Variants in MEI1 observed in about 807,000 individuals in gnomAD.
The protein encoded by MEI1 is meiotic double-stranded break formation protein 1.
Under a neutral mutation model 146.2 loss-of-function variants are expected in MEI1, and 103 were observed. The ratio of observed to expected loss-of-function variants is 0.70; its 90% CI spans 0.60 to 0.83. MEI1 has a LOEUF of 0.83. Ranked by LOEUF, MEI1 falls within the 40% of genes least tolerant of loss-of-function variation. MEI1 has a pLI of 0.00. For synonymous variants in MEI1, 652 were observed against 628.2 expected, an observed-to-expected ratio of 1.04 and a Z score of -0.57; for missense variants, 1,529 against 1,533.0, an observed-to-expected ratio of 1.00 and a Z score of 0.04.
chr22:41,733,066 C>CTGAATCCCGCCTGTAATT (rs1215070504), intron 11 of MEI1, among the ~76,000 whole-genome samples: 1 of 151,310 alleles, frequency 6.6e-6, no homozygotes, highest in Non-Finnish European at 1.5e-5. Context: ...CAGGCGTGAG[C>CTGAATCCCGCCTGTAATT]CACCGCATCC....
At chr22:41,776,919 T>C (rs1333407758) in intron 21 of MEI1, among the ~76,000 whole-genome samples, 1 of 152,042 alleles carries the variant, frequency 6.6e-6, no homozygotes, top group African/African-American at 2.4e-5. Context: ...GTTCAAGCAA[T>C]TCTTGTGCCT....
intron 16 of MEI1, 129 bp downstream of exon 16, chr22:41,752,780 G>A: frequency 1.3e-6 from 1 of 790,920 alleles, no homozygotes; most frequent in Non-Finnish European, 2.2e-6. Flanking sequence ...TGTCAGCATT[G>A]CTCAGCATCT....
intron 1 of MEI1, among the ~76,000 whole-genome samples, chr22:41,700,182 A>C (rs1207897321): frequency 6.6e-6 from 1 of 152,126 alleles, no homozygotes; most frequent in Non-Finnish European, 1.5e-5. Context: ...CGGGGTGTGA[A>C]TCGGAGGAGG....
intron 3 of MEI1, among the ~76,000 whole-genome samples, chr22:41,707,606 C>G (rs954004839): frequency 2.6e-4 from 40 of 151,926 alleles, no homozygotes; most frequent in African/African-American, 9.0e-4. Flanking sequence ...CTCAGGAGTT[C>G]AAGTCCAACA....
At chr22:41,708,897 C>A (rs2069311886) in intron 3 of MEI1, among the ~76,000 whole-genome samples, 1 of 152,154 alleles carries the variant, frequency 6.6e-6, no homozygotes, top group Non-Finnish European at 1.5e-5. Flanking sequence ...GAGAAGAGGA[C>A]ATAAAAACGA....
chr22:41,796,148 C>T (rs949193909), intron 30 of MEI1, among the ~76,000 whole-genome samples: 3 of 152,244 alleles, frequency 2.0e-5, no homozygotes, highest in South Asian at 4.1e-4. Context: ...TAAGTTCCTA[C>T]AGAAAGCAGG....
intron 5 of MEI1, 93 bp from the exon 6 acceptor site, chr22:41,717,978 C>A: frequency 1.9e-6 from 2 of 1,068,384 alleles, no homozygotes; most frequent in Non-Finnish European, 2.7e-6. Flanking sequence ...AGGGACTTAC[C>A]ATTACTACCC....
chr22:41,719,467 G>T (rs1325976939), intron 6 of MEI1, among the ~76,000 whole-genome samples: 2 of 152,198 alleles, frequency 1.3e-5, no homozygotes, highest in Non-Finnish European at 2.9e-5. Flanking sequence ...GATTAAAGGC[G>T]CAAGCCACTG....
chr22:41,776,008 A>T (rs772582269), intron 20 of MEI1, 94 bp from the exon 21 acceptor site: 23 of 1,306,484 alleles, frequency 1.8e-5, no homozygotes, highest in Admixed American at 2.0e-5. Flanking sequence ...TGACATCATA[A>T]TTATGGGCCC....
intron 11 of MEI1, among the ~76,000 whole-genome samples, chr22:41,738,004 T>G (rs933625965): frequency 6.6e-6 from 1 of 152,224 alleles, no homozygotes; most frequent in East Asian, 1.9e-4. Context: ...AACACAGTAA[T>G]GTATTCAAAT....
intron 11 of MEI1, among the ~76,000 whole-genome samples, chr22:41,739,733 T>C (rs1324766866): frequency 1.3e-5 from 2 of 152,090 alleles, no homozygotes; most frequent in Non-Finnish European, 2.9e-5. Context: ...GCATCTATGC[T>C]GAGCTGGAAG....
Position 41,752,577 on chromosome 22 carries a change from C to A in MEI1, c.1793-14C>A, listed in dbSNP as rs1394076203. ...GTTTAAACTGCTCTCTGCTTTATTCCCACTTCTCTGAAGCTTCCTCATCCT... is the reference window on the plus strand; with the variant it reads ...GTTTAAACTGCTCTCTGCTTTATTCACACTTCTCTGAAGCTTCCTCATCCT... On this transcript the variant is annotated splice_polypyrimidine_tract_variant and intron_variant, in intron 15 of 30. Coordinates refer to ENST00000401548, the MANE Select transcript of MEI1 (RefSeq NM_152513.4). 1.3e-6 allele frequency: 2 copies of A among 1,589,320 alleles called. No individual in the cohort carries two copies. Among genetic ancestry groups the A allele is most frequent in the African/African-American group, 2.7e-5 (2 of 74,438 alleles).
chr22:41,730,628 A>G lies in MEI1; in HGVS notation c.1087A>G (p.Thr363Ala). 1 of 1,611,548 alleles carries G rather than the reference A, an allele frequency of 6.2e-7. No individual in the cohort carries two copies. Among genetic ancestry groups the G allele is most frequent in the Non-Finnish European group, 8.5e-7 (1 of 1,177,818 alleles). The change falls in exon 9 of 31, where the codon ACG becomes GCG. Residue 363 changes from threonine (T) to alanine (A), a missense_variant. Coordinates refer to ENST00000401548, the MANE Select transcript of MEI1 (RefSeq NM_152513.4). ...GCCACTCTTTTTTTCCAAGTGCCAC[A>G]CGGTGTATGGTTGGTAGTAAGGGTC... ...EEPLFFSKCH[T>A]VYGIEAVVRS...
At chr22:41,771,077 T>C (rs1460555866) in intron 20 of MEI1, 116 bp downstream of exon 20, 30 of 1,148,356 alleles carry the variant, frequency 2.6e-5, no homozygotes, top group African/African-American at 4.6e-5. Flanking sequence ...TCCAGACTTA[T>C]CACTGTCTGC....
At chr22:41,763,151 C>T in intron 18 of MEI1, 23 bp from the exon 19 acceptor site, 1 of 1,611,800 alleles carries the variant, frequency 6.2e-7, no homozygotes, top group Non-Finnish European at 8.5e-7. Flanking sequence ...GCCTTTCTCA[C>T]TCAGGCTTTT....
intron 26 of MEI1, among the ~76,000 whole-genome samples, chr22:41,792,651 G>C (rs1413285668): frequency 6.6e-6 from 1 of 152,106 alleles, no homozygotes; most frequent in Non-Finnish European, 1.5e-5. Context: ...GGTTATGGGG[G>C]TGATAAGTGT....
rs759640205 is a variant in MEI1 at position 41,799,323 on chromosome 22, A to C, written c.*24A>C. The C allele has an allele frequency of 6.2e-7, 1 of 1,612,160 alleles. No homozygotes were observed. The highest frequency in any genetic ancestry group is 1.1e-5 in the South Asian group (1 of 91,046). ...GATCCTCAGGACTTGAAGGCCCAGA[A>C]GTGGAGAGAGAATGAGACCTGGAGA... On this transcript the variant is annotated 3_prime_UTR_variant, in exon 31 of 31. Coordinates refer to ENST00000401548, the MANE Select transcript of MEI1 (RefSeq NM_152513.4).
At chr22:41,709,386 A>G in intron 3 of MEI1, 3 of 719,146 alleles carry the variant, frequency 4.2e-6, no homozygotes, top group Non-Finnish European at 5.1e-6. Flanking sequence ...CTGGCTTTGG[A>G]GGAGCAGATT....
Position 41,723,991 on chromosome 22 carries a change from T to A in MEI1, c.782T>A (p.Met261Lys). Residue 261 changes from methionine (M) to lysine (K), a missense_variant, in exon 7 of 31, where the codon ATG becomes AAG. Around this residue, in one of 3 missense-constraint regions of MEI1, gnomAD observed 1,212 missense variants for 1,178.9 expected, o/e 1.03. Coordinates refer to ENST00000401548, the MANE Select transcript of MEI1 (RefSeq NM_152513.4). ...LKYDLFVSMIMNQDGLGESAK... is the reference protein window; with the variant it reads ...LKYDLFVSMIKNQDGLGESAK... ...TATGATCTCTTTGTGTCCATGATCATGAACCAGGATGGACTGGGAGAAAGT... is the reference window on the plus strand; with the variant it reads ...TATGATCTCTTTGTGTCCATGATCAAGAACCAGGATGGACTGGGAGAAAGT... The A allele has an allele frequency of 6.2e-7, 1 of 1,612,702 alleles. No individual in the cohort carries two copies. Among genetic ancestry groups the A allele is most frequent in the Non-Finnish European group, 8.5e-7 (1 of 1,179,350 alleles).
Sources: gnomAD v4.1 joint callset for allele counts (sites outside exome capture counted in the v4.1 genomes callset) on GRCh38, gnomAD v4.1.1 for gene constraint, gnomAD v4.1.1 regional missense constraint, MANE v1.5 for transcripts, NCBI Gene and HGNC (gene_info 2026-07-23, HGNC 2026-07-21) for gene names.